Variants in PRR23E observed in about 807,000 individuals in gnomAD.
PRR23E encodes the protein PRR23 family member E, also known as proline-rich protein 23E.
At chr3:127,194,297 A>G in the PRR23E span, among the ~76,000 whole-genome samples, 1 of 152,198 alleles carries the variant, frequency 6.6e-6, no homozygotes, top group African/African-American at 2.4e-5. Flanking sequence ...TGGGCCACAC[A>G]TAAAATACAC....
chr3:127,194,033 T>C, the PRR23E span, among the ~76,000 whole-genome samples: 40 of 152,372 alleles, frequency 2.6e-4, no homozygotes, highest in African/African-American at 9.6e-4. Context: ...ATGTTGGAGA[T>C]ATCGCCCTCT....
At chr3:127,197,588 A>AC in the PRR23E span, 1 of 343,144 alleles carries the variant, frequency 2.9e-6, no homozygotes. Context: ...ATTTCTCTTT[A>AC]CTTTGTTTTT....
At chr3:127,193,833 G>A in the PRR23E span, among the ~76,000 whole-genome samples, 1 of 152,138 alleles carries the variant, frequency 6.6e-6, no homozygotes, top group Non-Finnish European at 1.5e-5. Context: ...AAAAATCAAA[G>A]TTCCATTTTT....
the PRR23E span, among the ~76,000 whole-genome samples, chr3:127,194,387 T>C: frequency 9.2e-5 from 14 of 152,242 alleles, no homozygotes; most frequent in African/African-American, 3.4e-4. Flanking sequence ...GAATTTGTGT[T>C]GGGCCATATT....
the PRR23E span, among the ~76,000 whole-genome samples, chr3:127,195,911 C>T: frequency 1.3e-5 from 2 of 152,182 alleles, no homozygotes; most frequent in South Asian, 4.1e-4. Context: ...TGGGGAAAAA[C>T]ACCTGGGGCT....
At chr3:127,193,859 T>A in the PRR23E span, among the ~76,000 whole-genome samples, 1 of 152,256 alleles carries the variant, frequency 6.6e-6, no homozygotes, top group African/African-American at 2.4e-5. Context: ...TTGATTTTTT[T>A]AAAAACATGG....
At chr3:127,197,313 C>T in the PRR23E span, 1 of 1,598,952 alleles carries the variant, frequency 6.3e-7, no homozygotes, top group South Asian at 1.1e-5. Flanking sequence ...GCTCCGCCCT[C>T]TGCCCCCTTC....
At chr3:127,195,550 G>A in the PRR23E span, among the ~76,000 whole-genome samples, 1 of 152,168 alleles carries the variant, frequency 6.6e-6, no homozygotes, top group Non-Finnish European at 1.5e-5. Flanking sequence ...CCTCCCTCTA[G>A]GCTCTGCCAA....
chr3:127,197,703 CA>C, the PRR23E span: 1 of 295,808 alleles, frequency 3.4e-6, no homozygotes, highest in East Asian at 5.5e-5. Context: ...TGCATGCATG[CA>C]ACCTTGTAAA....
At chr3:127,196,511 C>A in the PRR23E span, 1 of 1,024,972 alleles carries the variant, frequency 9.8e-7, no homozygotes. Flanking sequence ...CACCTCACCC[C>A]CAGCTGTCCC....
At chr3:127,194,343 AT>A in the PRR23E span, among the ~76,000 whole-genome samples, 1 of 152,164 alleles carries the variant, frequency 6.6e-6, no homozygotes, top group South Asian at 2.1e-4. Flanking sequence ...AAAAAAAAAA[AT>A]CATTAAAAAA....
At chr3:127,193,943 T>A in the PRR23E span, among the ~76,000 whole-genome samples, 1 of 152,242 alleles carries the variant, frequency 6.6e-6, no homozygotes, top group Non-Finnish European at 1.5e-5. Context: ...TGGGCGAGAT[T>A]GTTGATAAGG....
chr3:127,194,491 G>A, the PRR23E span, among the ~76,000 whole-genome samples: 4 of 152,226 alleles, frequency 2.6e-5, no homozygotes, highest in East Asian at 1.9e-4. Context: ...AAGTACATAC[G>A]ATGTAGTGTG....
chr3:127,195,316 G>A, the PRR23E span, among the ~76,000 whole-genome samples: 5 of 152,016 alleles, frequency 3.3e-5, no homozygotes, highest in Admixed American at 2.6e-4. Context: ...TCCATCTGTG[G>A]TCCACCCTCT....
At chr3:127,196,653 C>T in the PRR23E span, 3 of 1,548,694 alleles carry the variant, frequency 1.9e-6, no homozygotes, top group Middle Eastern at 1.7e-4. Context: ...TTGCCAGACA[C>T]TTCGGGGCTT....
the PRR23E span, among the ~76,000 whole-genome samples, chr3:127,196,299 C>T: frequency 6.6e-6 from 1 of 152,258 alleles, no homozygotes. Flanking sequence ...CAGACTTGGC[C>T]ATCCATACTC....
At chr3:127,195,083 G>T in the PRR23E span, among the ~76,000 whole-genome samples, 1 of 152,148 alleles carries the variant, frequency 6.6e-6, no homozygotes, top group African/African-American at 2.4e-5. Context: ...AGAGAGGAGG[G>T]GGAGCACCAC....
chr3:127,197,275 G>C, the PRR23E span: 9 of 1,599,372 alleles, frequency 5.6e-6, no homozygotes, highest in Non-Finnish European at 5.9e-6. Flanking sequence ...TTCGGTATTT[G>C]GGCACCTTTG....
chr3:127,196,824 T>G, the PRR23E span: 1 of 1,598,784 alleles, frequency 6.3e-7, no homozygotes, highest in Non-Finnish European at 8.5e-7. Context: ...CTGTACCTGC[T>G]TGGGAGCCCA....
Sources: allele counts gnomAD v4.1 joint callset (sites outside exome capture counted in the v4.1 genomes callset), GRCh38; gene constraint gnomAD v4.1.1; transcripts MANE v1.5; gene names NCBI Gene and HGNC (gene_info 2026-07-23, HGNC 2026-07-21).